Variants in TOP3A observed in about 807,000 individuals in gnomAD.
TOP3A encodes DNA topoisomerase 3-alpha.
A neutral mutation model predicts 111.3 loss-of-function variants in TOP3A; 64 were observed. The ratio of observed to expected loss-of-function variants is 0.57; its 90% CI spans 0.47 to 0.71. TOP3A has a LOEUF of 0.71. TOP3A is among the 30% of genes least tolerant of loss of function. The probability of loss-of-function intolerance (pLI) is 0.00; values close to 1 mark genes in which losing one functional copy is unlikely to be tolerated. For synonymous variants in TOP3A, 484 were observed against 485.1 expected, an observed-to-expected ratio of 1.00 and a Z score of 0.03; for missense variants, 1,104 against 1,285.0, an observed-to-expected ratio of 0.86 and a Z score of 2.15.
At chr17:18,311,948 C>A in intron 1 of TOP3A, 1 of 152,438 alleles carries the variant, frequency 6.6e-6, no homozygotes. Context: ...GGCCCTGGCC[C>A]CTGTTGTCAT....
intron 1 of TOP3A, among the ~76,000 whole-genome samples, chr17:18,310,985 C>T (rs1981873531): frequency 6.6e-6 from 1 of 151,570 alleles, no homozygotes; most frequent in Non-Finnish European, 1.5e-5. Context: ...CTCAAACATG[C>T]ATTCAACAAC....
chr17:18,295,320 G>A (rs1035270770), intron 9 of TOP3A, among the ~76,000 whole-genome samples: 2 of 151,858 alleles, frequency 1.3e-5, no homozygotes, highest in African/African-American at 2.4e-5. Context: ...GCAAATTTTT[G>A]TATTTTTAGT....
intron 9 of TOP3A, among the ~76,000 whole-genome samples, chr17:18,298,851 G>A (rs956823927): frequency 2.0e-5 from 3 of 152,056 alleles, no homozygotes; most frequent in African/African-American, 7.2e-5. Flanking sequence ...GATGCTTGAA[G>A]GCAGCATGCT....
intron 10 of TOP3A, among the ~76,000 whole-genome samples, chr17:18,294,312 CTTAT>C (rs1489946227): frequency 6.6e-6 from 1 of 152,042 alleles, no homozygotes; most frequent in Non-Finnish European, 1.5e-5. Context: ...CCCATAAACT[CTTAT>C]TTCTTTATTT....
intron 13 of TOP3A, among the ~76,000 whole-genome samples, chr17:18,285,768 C>A (rs1397778746): frequency 1.3e-5 from 2 of 152,204 alleles, no homozygotes; most frequent in African/African-American, 4.8e-5. Context: ...TTTAAAAATT[C>A]TCTTCCCCAT....
rs765359702 is a variant in TOP3A at position 18,292,611 on chromosome 17, G to A, written c.1281+34C>T. ...TACTGACCCCCAGCACTTCCCTATG[G>A]GTTCCAGCAGGCAGTACATTCAGGG... is the stretch of plus-strand genomic sequence containing the variant. On this transcript the variant is annotated intron_variant, in intron 11 of 18. Coordinates refer to ENST00000321105, the MANE Select transcript of TOP3A (RefSeq NM_004618.5). 8 of 1,506,224 alleles carry A rather than the reference G, an allele frequency of 5.3e-6. No homozygotes were observed. In the South Asian group the frequency reaches 8.1e-5, roughly 15 times the overall value. 93.3% of individuals were successfully genotyped at this position (1,506,224 alleles called of 1,614,324 possible). A position where few individuals can be genotyped will look rare whatever the true frequency, so the allele number is the denominator to read the frequency against.
In TOP3A at chr17:18,285,257, G is replaced by A; in HGVS notation, c.1762C>T (p.Leu588=). 6.2e-7 allele frequency: 1 copy of A among 1,614,216 alleles called. No homozygotes were observed. Residue 588 remains leucine, a synonymous_variant, in exon 15 of 19, where the codon CTG becomes TTG. Coordinates refer to ENST00000321105, the MANE Select transcript of TOP3A (RefSeq NM_004618.5). ...CAGATCAGCTTCAGATCAGCTTCCA[G>A]TTCAGCCCGGAGGTCAGGCTTAGAC... ...EMSKPDLRAE[L]EADLKLICDG...
At chr17:18,304,124 C>G (rs1293729229) in intron 5 of TOP3A, among the ~76,000 whole-genome samples, 2 of 152,036 alleles carry the variant, frequency 1.3e-5, no homozygotes, top group Non-Finnish European at 2.9e-5. Flanking sequence ...GCCACCACAC[C>G]TGGCTAATTT....
intron 17 of TOP3A, among the ~76,000 whole-genome samples, chr17:18,279,632 G>C (rs1424455061): frequency 6.6e-6 from 1 of 151,430 alleles, no homozygotes; most frequent in Non-Finnish European, 1.5e-5. Context: ...CTCGTGATCC[G>C]CCTGTCTCGG....
chr17:18,306,871 T>C lies in TOP3A; in HGVS notation c.390+20A>G, dbSNP rs1981609570. ...CTCTGTGGTTTGACTCAGTGCCATA[T>C]GTCTTCCAAAAGACCCTACCTTGAT... On this transcript the variant is annotated intron_variant, in intron 4 of 18. Coordinates refer to ENST00000321105, the MANE Select transcript of TOP3A (RefSeq NM_004618.5). The C allele has an allele frequency of 1.3e-6, 2 of 1,547,120 alleles. No individual in the cohort carries two copies. The highest frequency in any genetic ancestry group is 1.8e-6 in the Non-Finnish European group (2 of 1,119,532).
At chr17:18,297,587 T>A (rs1980905598) in intron 9 of TOP3A, among the ~76,000 whole-genome samples, 1 of 152,186 alleles carries the variant, frequency 6.6e-6, no homozygotes, top group Non-Finnish European at 1.5e-5. Flanking sequence ...CACACCTGAC[T>A]GGTTTTCGTA....
rs1979543649 is a variant in TOP3A, at chr17:18,278,368, C to A, written c.2145-11G>T. On this transcript the variant is annotated splice_polypyrimidine_tract_variant and intron_variant, in intron 17 of 18. Coordinates refer to ENST00000321105, the MANE Select transcript of TOP3A (RefSeq NM_004618.5). ...AACTTTAACTTTAACCTAGTGAGGC[C>A]AGAAGATGAGAAAAAACATTAACAA... 1 of 1,507,546 alleles carries A rather than the reference C, an allele frequency of 6.6e-7. No homozygotes were observed. The highest frequency in any genetic ancestry group is 1.4e-5 in the South Asian group (1 of 73,130). 93.4% of individuals were successfully genotyped at this position (1,507,546 alleles called of 1,614,324 possible).
chr17:18,278,180 C>G lies in TOP3A; in HGVS notation c.2322G>C (p.Arg774Ser). The G allele has an allele frequency of 6.2e-7, 1 of 1,613,888 alleles. No homozygotes were observed. Among genetic ancestry groups the G allele is most frequent in the Non-Finnish European group, 8.5e-7 (1 of 1,179,852 alleles). ...GCTGGGGGTGCTGGCTGTTGTCCAT[C>G]CTGTTCAGGGACTGGTTAGCCTGCA... ...GRLQANQSLNRMDNSQHPQPA... is the reference protein window; with the variant it reads ...GRLQANQSLNSMDNSQHPQPA... The change falls in exon 18 of 19, where the codon AGG (arginine) becomes AGC (serine). Residue 774 changes from arginine to serine, a missense_variant. Transcript: ENST00000321105.
At chr17:18,297,519 G>C (rs544652467) in intron 9 of TOP3A, among the ~76,000 whole-genome samples, 3 of 132,496 alleles carry the variant, frequency 2.3e-5, no homozygotes, top group East Asian at 2.0e-4. Context: ...GGACGGTACT[G>C]CTGCCTGATT....
intron 9 of TOP3A, among the ~76,000 whole-genome samples, chr17:18,295,524 C>T (rs1980742527): frequency 1.3e-5 from 2 of 151,708 alleles, no homozygotes; most frequent in African/African-American, 2.4e-5. Context: ...GGCAGTGGCA[C>T]GATCTCGGCT....
rs1980014529 is a variant in TOP3A at position 18,285,250 on chromosome 17, G to T, written c.1769C>A (p.Ala590Asp). 2 of 1,614,232 alleles carry T rather than the reference G, an allele frequency of 1.2e-6. No individual in the cohort carries two copies. The highest frequency in any genetic ancestry group is 1.3e-5 in the African/African-American group (1 of 75,058). ...GCCATCACAGATCAGCTTCAGATCA[G>T]CTTCCAGTTCAGCCCGGAGGTCAGG... ...SKPDLRAELE[A>D]DLKLICDGKK... The change falls in exon 15 of 19, where the codon GCT (alanine) becomes GAT (aspartate). Residue 590 changes from alanine (A) to aspartate (D), a missense_variant. By Grantham distance (126) the Ala-to-Asp change is moderately radical (BLOSUM62 -2). Transcript: ENST00000321105.
At position 18,278,067 on chromosome 17, in the gene TOP3A, G is replaced by A. The variant is rs138626975; in HGVS notation, c.2435C>T (p.Thr812Ile). ...PTAAGESNSV[T>I]CNCGQEAVLL... Reference sequence around the variant, plus strand: ...CACAGCCTCCTGGCCACAGTTGCAGGTCACAGAATTGCTTTCACCAGCAGC... The same window carrying A: ...CACAGCCTCCTGGCCACAGTTGCAGATCACAGAATTGCTTTCACCAGCAGC... Residue 812 changes from threonine to isoleucine, a missense_variant, in exon 18 of 19, where the codon ACC (threonine) becomes ATC (isoleucine). Physicochemically the swap from Thr to Ile is moderately conservative, Grantham distance 89 (BLOSUM62 -1). Transcript: ENST00000321105. 305 of 1,614,242 alleles carry A rather than the reference G, an allele frequency of 1.9e-4. No individual in the cohort carries two copies. The African/African-American group carries it at 3.8e-3, about 20-fold the overall frequency.
Position 18,299,486 on chromosome 17 carries a change from C to A in TOP3A, c.990+73G>T. ...ATATTTTCTTCCACCAAGCCACAGTCTAGGCGGTAGAACCACAGCCTCAAA... is the reference window on the plus strand; with the variant it reads ...ATATTTTCTTCCACCAAGCCACAGTATAGGCGGTAGAACCACAGCCTCAAA... On this transcript the variant is annotated intron_variant, in intron 9 of 18. Transcript: ENST00000321105. 2.9e-6 allele frequency: 4 copies of A among 1,380,214 alleles called. No individual in the cohort carries two copies. In the South Asian group the frequency reaches 4.6e-5, roughly 16 times the overall value. The allele number at this position is 1,380,214 out of a possible 1,614,324, so 85.5% of individuals were successfully genotyped here.
At chr17:18,298,949 CAG>C (rs1981042693) in intron 9 of TOP3A, among the ~76,000 whole-genome samples, 1 of 149,580 alleles carries the variant, frequency 6.7e-6, no homozygotes, top group Non-Finnish European at 1.5e-5. Context: ...CTAGGAAAAC[CAG>C]AGACCTTTGT....
Sources: allele counts gnomAD v4.1 joint callset (sites outside exome capture counted in the v4.1 genomes callset), GRCh38; gene constraint gnomAD v4.1.1; transcripts MANE v1.5; gene names NCBI Gene and HGNC (gene_info 2026-07-23, HGNC 2026-07-21).